Variants in CLSTN1 observed in about 807,000 individuals in gnomAD.
CLSTN1 encodes the protein calsyntenin 1.
CLSTN1 carries 28 observed loss-of-function variants against 108.3 expected under a neutral mutation model. That is an observed-to-expected ratio of 0.26 (90% CI 0.19 to 0.35). The LOEUF is 0.35. Ranked by LOEUF, CLSTN1 falls within the 10% of genes least tolerant of loss-of-function variation. The pLI is 1.00. For missense variants in CLSTN1, 1,157 were observed against 1,302.6 expected (o/e 0.89, Z 1.72); for synonymous variants, 524 against 534.9 (o/e 0.98, Z 0.28).
At chr1:9,764,396 G>T (rs1348569269) in intron 2 of CLSTN1, among the ~76,000 whole-genome samples, 1 of 152,132 alleles carries the variant, frequency 6.6e-6, no homozygotes, top group Admixed American at 6.5e-5. Flanking sequence ...CAACACTTTG[G>T]GAGGCCAAGG....
chr1:9,755,122 CT>C lies in CLSTN1; in HGVS notation c.431del (p.Lys144SerfsTer11). 6.2e-7 allele frequency: 1 copy of C among 1,609,632 alleles called. No individual in the cohort carries two copies. Among genetic ancestry groups the C allele is most frequent in the Non-Finnish European group, 8.5e-7 (1 of 1,176,584 alleles). On this transcript the variant is annotated frameshift_variant, in exon 4 of 19. Coordinates refer to ENST00000377298, the MANE Select transcript of CLSTN1 (RefSeq NM_001009566.3). LOFTEE classifies it high-confidence loss of function. ...TTGTCCAGCTTACTTACTTATGAGACTTTTTCACGTTGGTGCCATCAGGTCC... is the reference window on the plus strand; with the variant it reads ...TTGTCCAGCTTACTTACTTATGAGACTTTTCACGTTGGTGCCATCAGGTCC... The part of the protein sequence containing the change: ...GKGPDGTNVK[K>X]SHKATVHIQV...
At chr1:9,778,233 C>CACACACACAT (rs1653051827) in intron 1 of CLSTN1, among the ~76,000 whole-genome samples, 3 of 149,086 alleles carry the variant, frequency 2.0e-5, no homozygotes, top group South Asian at 4.2e-4. Context: ...AACACACACA[C>CACACACACAT]ACACACACAC....
intron 1 of CLSTN1, among the ~76,000 whole-genome samples, chr1:9,816,654 CTTTTT>C (rs1163617751): frequency 7.3e-5 from 11 of 150,038 alleles, no homozygotes; most frequent in Admixed American, 1.3e-4. Context: ...CAAAAGTGGT[CTTTTT>C]TTTTGAGATG....
rs1443342284 is a variant in CLSTN1, at chr1:9,741,128, T to C, written c.1485A>G (p.Ile495Met). The C allele has an allele frequency of 1.2e-6, 2 of 1,614,020 alleles. No homozygotes were observed. Among genetic ancestry groups the C allele is most frequent in the Admixed American group, 3.3e-5 (2 of 60,016 alleles). The change falls in exon 10 of 19, where the codon ATA becomes ATG. Residue 495 changes from isoleucine to methionine, a missense_variant. Transcript: ENST00000377298. The stretch of plus-strand genomic sequence containing the variant: ...AAGCCCCCACCACGAGCTGAGTTTC[T>C]ATCTTGGATGGATGGAGCGGGTAAT... ...TEDYPLHPSK[I>M]ETQLVVGACW... is the part of the protein sequence containing the mutation.
In CLSTN1 at chr1:9,769,710, T is replaced by G. The variant is rs990380070; in HGVS notation, c.214+3562A>C. ...CAGTGGTTGGCAGGTGCATGGTTTT[T>G]GGAACATTCTAAAACTCAATGAGCT... On this transcript the variant is annotated intron_variant, in intron 2 of 18. Transcript: ENST00000377298. Among the ~76,000 whole-genome samples the G allele has an allele frequency of 3.3e-5, 5 of 152,298 alleles. No individual in the cohort carries two copies. The East Asian group carries it at 9.7e-4, about 29-fold the overall frequency.
At position 9,734,943 on chromosome 1, in the gene CLSTN1, A is replaced by G. The variant is rs1163985385; in HGVS notation, c.2110+5T>C. On this transcript the variant is annotated splice_donor_5th_base_variant and intron_variant, in intron 14 of 18. Coordinates refer to ENST00000377298, the MANE Select transcript of CLSTN1 (RefSeq NM_001009566.3). This position sits in a 1 kb window ranked among gnomAD's most constrained non-coding sequence, Gnocchi z 4.8. ...AGGGAGCCCGCGCCCCACAGAGCACATTACCTGTGGGGTCCTCAGCCCCGT... is the reference window on the plus strand; with the variant it reads ...AGGGAGCCCGCGCCCCACAGAGCACGTTACCTGTGGGGTCCTCAGCCCCGT... 6.2e-7 allele frequency: 1 copy of G among 1,611,670 alleles called. No individual in the cohort carries two copies. The highest frequency in any genetic ancestry group is 1.3e-5 in the African/African-American group (1 of 74,860).
At chr1:9,747,399 G>C (rs769987551) in intron 7 of CLSTN1, among the ~76,000 whole-genome samples, 1 of 152,026 alleles carries the variant, frequency 6.6e-6, no homozygotes, top group Non-Finnish European at 1.5e-5. Context: ...TGAATATTTG[G>C]ATTCAGAGTT....
intron 4 of CLSTN1, among the ~76,000 whole-genome samples, chr1:9,754,367 C>T (rs1261999672): frequency 6.6e-6 from 1 of 151,958 alleles, no homozygotes; most frequent in Non-Finnish European, 1.5e-5. Context: ...TGATACCAGC[C>T]TGGCCAACAT....
chr1:9,771,440 C>T (rs1652669487), intron 2 of CLSTN1, among the ~76,000 whole-genome samples: 1 of 152,062 alleles, frequency 6.6e-6, no homozygotes, highest in African/African-American at 2.4e-5. Flanking sequence ...ATGGTGAAAC[C>T]CCATCTCTAC....
At chr1:9,800,557 GAAA>G (rs55929301) in intron 1 of CLSTN1, among the ~76,000 whole-genome samples, 2 of 77,320 alleles carry the variant, frequency 2.6e-5, no homozygotes, top group Admixed American at 1.6e-4. Context: ...GTCTCCACTA[GAAA>G]AAAAAAAAAA....
At chr1:9,804,361 CAAA>C (rs35632390) in intron 1 of CLSTN1, among the ~76,000 whole-genome samples, 14 of 65,124 alleles carry the variant, frequency 2.1e-4, no homozygotes, top group African/African-American at 6.4e-4. Flanking sequence ...GACTCCATCT[CAAA>C]AAAAAAAAAA....
chr1:9,765,755 C>T (rs1468213873), intron 2 of CLSTN1, among the ~76,000 whole-genome samples: 3 of 151,624 alleles, frequency 2.0e-5, no homozygotes, highest in African/African-American at 4.8e-5. Context: ...TGGCGGCGGG[C>T]GCCTGTAATC....
chr1:9,748,952 T>C (rs1651416051), intron 7 of CLSTN1, among the ~76,000 whole-genome samples: 1 of 152,020 alleles, frequency 6.6e-6, no homozygotes, highest in Non-Finnish European at 1.5e-5. Flanking sequence ...TTGCCCAGGG[T>C]GGAGTGCAAT....
chr1:9,790,811 C>T (rs1299327160), intron 1 of CLSTN1, among the ~76,000 whole-genome samples: 13 of 150,968 alleles, frequency 8.6e-5, no homozygotes, highest in Admixed American at 6.1e-4. Flanking sequence ...GTGTGACGAT[C>T]GCAAATGTGC....
intron 2 of CLSTN1, among the ~76,000 whole-genome samples, chr1:9,766,888 G>A (rs1324519871): frequency 6.6e-6 from 1 of 152,226 alleles, no homozygotes; most frequent in Non-Finnish European, 1.5e-5. Context: ...CTTACAAGGA[G>A]CTTCAATGAC....
chr1:9,787,849 T>G (rs996316131), intron 1 of CLSTN1, among the ~76,000 whole-genome samples: 4 of 151,388 alleles, frequency 2.6e-5, no homozygotes, highest in Non-Finnish European at 2.9e-5. Flanking sequence ...TCTCTAGAAC[T>G]TCTTTCATCT....
At chr1:9,768,802 G>C (rs1652506866) in intron 2 of CLSTN1, among the ~76,000 whole-genome samples, 1 of 140,252 alleles carries the variant, frequency 7.1e-6, no homozygotes, top group African/African-American at 2.7e-5. Context: ...TTCTGTGTTA[G>C]GTGGCACTAT....
chr1:9,817,981 T>G (rs1655041409), intron 1 of CLSTN1, among the ~76,000 whole-genome samples: 1 of 148,496 alleles, frequency 6.7e-6, no homozygotes, highest in Non-Finnish European at 1.5e-5. Context: ...AAAATGTCAC[T>G]TTTGAGGGTC....
intron 2 of CLSTN1, among the ~76,000 whole-genome samples, chr1:9,769,576 G>C (rs1570471693): frequency 6.6e-6 from 1 of 152,194 alleles, no homozygotes; most frequent in Admixed American, 6.5e-5. Context: ...ATCCAGAATA[G>C]AGAAATCTGT....
Sources: gnomAD v4.1 joint callset for allele counts (sites outside exome capture counted in the v4.1 genomes callset) on GRCh38, gnomAD v4.1.1 for gene constraint, Gnocchi (gnomAD v3.1) non-coding constraint, MANE v1.5 for transcripts, NCBI Gene and HGNC (gene_info 2026-07-23, HGNC 2026-07-21) for gene names.